The following VASN variants were observed in gnomAD, a reference collection of about 807,000 sequenced individuals.
VASN encodes protein slit-like 2.
A neutral mutation model predicts 4.8 loss-of-function variants in VASN; 5 were observed. The observed-to-expected ratio is 1.03, with a 90% CI of 0.54 to 2.17. The LOEUF (loss-of-function observed/expected upper bound fraction) is 2.17. Ranked by LOEUF, VASN falls within the 30% of genes most tolerant of loss-of-function variation. The pLI is 0.01. For missense variants in VASN, 927 were observed against 948.8 expected (o/e 0.98, Z 0.30); for synonymous variants, 499 against 460.8 (o/e 1.08, Z -1.06).
In VASN at chr16:4,381,605, G is replaced by T. The variant is rs764197715; in HGVS notation, c.728G>T (p.Arg243Leu). Residue 243 changes from arginine to leucine, a missense_variant, in exon 2 of 2, where the codon CGC (arginine) becomes CTC (leucine). Arg to Leu is a moderately radical substitution (Grantham distance 102). Coordinates refer to ENST00000304735, the MANE Select transcript of VASN (RefSeq NM_138440.3). Reference sequence around the variant, plus strand: ...ATCCGAGGCCTCCGGGGCCTGACGCGCCTGCGGCTGGCCGGCAACACCCGC... The same window carrying T: ...ATCCGAGGCCTCCGGGGCCTGACGCTCCTGCGGCTGGCCGGCAACACCCGC... ...PVIRGLRGLT[R>L]LRLAGNTRIA... The T allele has an allele frequency of 2.7e-4, 429 of 1,598,442 alleles. No homozygotes were observed. Among genetic ancestry groups the T allele is most frequent in the Non-Finnish European group, 3.5e-4 (416 of 1,173,270 alleles).
chr16:4,372,382 G>A (rs986738398), intron 1 of VASN, among the ~76,000 whole-genome samples: 7 of 152,246 alleles, frequency 4.6e-5, no homozygotes, highest in East Asian at 1.9e-4. Flanking sequence ...CCCTCCTGGG[G>A]TCCGGCAGTA....
Position 4,382,045 on chromosome 16 carries a change from C to A in VASN, c.1168C>A (p.Pro390Thr). The change falls in exon 2 of 2, where the codon CCC becomes ACC. Residue 390 changes from proline to threonine, a missense_variant. Pro to Thr is a conservative substitution (Grantham distance 38). Coordinates refer to ENST00000304735, the MANE Select transcript of VASN (RefSeq NM_138440.3). ...LSPTEPATEA[P>T]SPPSTAPPTV... is the part of the protein sequence containing the mutation. ...CCCCACAGAGCCGGCCACTGAGGCC[C>A]CCAGCCCGCCCTCCACTGCCCCACC... 1 of 1,592,946 alleles carries A rather than the reference C, an allele frequency of 6.3e-7. No homozygotes were observed. Among genetic ancestry groups the A allele is most frequent in the Non-Finnish European group, 8.5e-7 (1 of 1,171,508 alleles).
rs577970245 is a variant in VASN, at chr16:4,374,300, C to T, written c.-10+2307C>T. Among the ~76,000 whole-genome samples the T allele has an allele frequency of 3.5e-4, 54 of 152,218 alleles. 2 individuals are homozygous for T. In the South Asian group the frequency reaches 7.5e-3, roughly 21 times the overall value. ...AGAGTCAGCCGGATCGCTTTCCCTC[C>T]GCGCTGGGCCGCCGGCCTCCCCCGC... On this transcript the variant is annotated intron_variant, in intron 1 of 1. Transcript: ENST00000304735.
rs2055055224 is a variant in VASN, at chr16:4,382,980, G to A, written c.*81G>A. 1 of 1,398,830 alleles carries A rather than the reference G, an allele frequency of 7.1e-7. No individual in the cohort carries two copies. The highest frequency in any genetic ancestry group is 9.5e-7 in the Non-Finnish European group (1 of 1,056,814). The allele number at this position is 1,398,830 out of a possible 1,614,324, so 86.7% of individuals were successfully genotyped here. A position where few individuals can be genotyped will look rare whatever the true frequency, so the allele number is the denominator to read the frequency against. On this transcript the variant is annotated 3_prime_UTR_variant, in exon 2 of 2. Coordinates refer to ENST00000304735, the MANE Select transcript of VASN (RefSeq NM_138440.3). ...CCCCTCCTGCTGCCACACCACGTAAGTTCTCAGTCCCAACCTCGGGGATGT... is the reference window on the plus strand; with the variant it reads ...CCCCTCCTGCTGCCACACCACGTAAATTCTCAGTCCCAACCTCGGGGATGT...
chr16:4,379,644 G>A lies in VASN; in HGVS notation c.-9-1225G>A, dbSNP rs1036502700. 4.6e-5 allele frequency among the ~76,000 whole-genome samples: 7 copies of A among 152,118 alleles called. No homozygotes were observed. In the South Asian group the frequency reaches 1.0e-3, roughly 23 times the overall value. ...GACGGTAAACACTTAGTGTTCCTTCGTCCTTCCCACTTCGCTGGCACATGG... is the reference window on the plus strand; with the variant it reads ...GACGGTAAACACTTAGTGTTCCTTCATCCTTCCCACTTCGCTGGCACATGG... On this transcript the variant is annotated intron_variant, in intron 1 of 1. Transcript: ENST00000304735.
At chr16:4,376,383 C>G (rs561600964) in intron 1 of VASN, among the ~76,000 whole-genome samples, 1 of 152,196 alleles carries the variant, frequency 6.6e-6, no homozygotes, top group African/African-American at 2.4e-5. Context: ...AGAGCCTTGG[C>G]GGGCCAGCAT....
At chr16:4,375,185 T>A (rs1020925765) in intron 1 of VASN, among the ~76,000 whole-genome samples, 6 of 152,170 alleles carry the variant, frequency 3.9e-5, no homozygotes. Flanking sequence ...CTCCCTGCCC[T>A]GGGCTAACAG....
In VASN at chr16:4,382,954, C is replaced by A. The variant is rs2055054482; in HGVS notation, c.*55C>A. ...GGCTCTCAGCCAGTGAGATGGCCAG[C>A]CCCCTCCTGCTGCCACACCACGTAA... On this transcript the variant is annotated 3_prime_UTR_variant, in exon 2 of 2. Transcript: ENST00000304735. 3 of 1,437,882 alleles carry A rather than the reference C, an allele frequency of 2.1e-6. No homozygotes were observed. The highest frequency in any genetic ancestry group is 1.8e-6 in the Non-Finnish European group (2 of 1,090,236). The allele number at this position is 1,437,882 out of a possible 1,614,324, so 89.1% of individuals were successfully genotyped here.
At chr16:4,373,707 T>G (rs1179921567) in intron 1 of VASN, among the ~76,000 whole-genome samples, 1 of 152,122 alleles carries the variant, frequency 6.6e-6, no homozygotes, top group Non-Finnish European at 1.5e-5. Flanking sequence ...TACAGAAAAT[T>G]AAGTCCTTGC....
At chr16:4,374,457 G>C (rs2054647352) in intron 1 of VASN, among the ~76,000 whole-genome samples, 1 of 152,156 alleles carries the variant, frequency 6.6e-6, no homozygotes, top group Non-Finnish European at 1.5e-5. Context: ...GCCCCCACCA[G>C]ACTCTTCGTG....
intron 1 of VASN, among the ~76,000 whole-genome samples, chr16:4,374,631 C>T (rs1190220893): frequency 1.3e-5 from 2 of 152,164 alleles, no homozygotes; most frequent in Non-Finnish European, 2.9e-5. Context: ...AGTGCGGGGG[C>T]AGGGTTGTGG....
At chr16:4,373,471 C>T (rs1016923618) in intron 1 of VASN, among the ~76,000 whole-genome samples, 4 of 152,094 alleles carry the variant, frequency 2.6e-5, no homozygotes, top group African/African-American at 9.7e-5. Flanking sequence ...CCAGATGGCA[C>T]CTCTCTCTCC....
At chr16:4,376,538 G>A (rs556651211) in intron 1 of VASN, among the ~76,000 whole-genome samples, 15 of 152,264 alleles carry the variant, frequency 9.9e-5, no homozygotes, top group Admixed American at 3.3e-4. Flanking sequence ...CAGGCACACC[G>A]CCTGCCCCAG....
chr16:4,379,132 G>C (rs777459500), intron 1 of VASN, among the ~76,000 whole-genome samples: 2 of 151,916 alleles, frequency 1.3e-5, no homozygotes, highest in Non-Finnish European at 2.9e-5. Context: ...CCCCAGCCTG[G>C]GGCGGAGTGC....
chr16:4,381,340 C>G lies in VASN; in HGVS notation c.463C>G (p.Leu155Val). The change falls in exon 2 of 2, where the codon CTG (leucine) becomes GTG (valine). Residue 155 changes from leucine (L) to valine (V), a missense_variant. By Grantham distance (32) the Leu-to-Val change is conservative (BLOSUM62 1). Transcript: ENST00000304735. ...DTLDRLLELK[L>V]QDNELRALPP... ...GCTCGACCGCCTCCTGGAGCTCAAG[C>G]TGCAGGACAACGAGCTGCGGGCACT... 5 of 1,608,458 alleles carry G rather than the reference C, an allele frequency of 3.1e-6. No homozygotes were observed. The highest frequency in any genetic ancestry group is 4.2e-6 in the Non-Finnish European group (5 of 1,178,162).
At chr16:4,374,680 C>T (rs529834867) in intron 1 of VASN, among the ~76,000 whole-genome samples, 1 of 152,208 alleles carries the variant, frequency 6.6e-6, no homozygotes, top group Admixed American at 6.5e-5. Flanking sequence ...CTGAATCCAT[C>T]CCGCCTGCCC....
chr16:4,383,235 C>T lies in VASN; in HGVS notation c.*336C>T, dbSNP rs1486540312. 3.3e-6 allele frequency: 1 copy of T among 306,476 alleles called. No homozygotes were observed. Among genetic ancestry groups the T allele is most frequent in the Non-Finnish European group, 6.3e-6 (1 of 158,454 alleles). The allele number at this position is 306,476 out of a possible 1,614,324, so 19.0% of individuals were successfully genotyped here. The stretch of plus-strand genomic sequence containing the variant: ...CCCTGCTGGGCTCTCCCACTCCAGG[C>T]GGACCCTGGGGGCCAGTGAAGGAAG... On this transcript the variant is annotated 3_prime_UTR_variant, in exon 2 of 2. Coordinates refer to ENST00000304735, the MANE Select transcript of VASN (RefSeq NM_138440.3).
At chr16:4,372,918 C>T (rs1445337350) in intron 1 of VASN, among the ~76,000 whole-genome samples, 1 of 152,140 alleles carries the variant, frequency 6.6e-6, no homozygotes, top group Non-Finnish European at 1.5e-5. Context: ...AGAGAGGCAG[C>T]GGGACCTAGA....
At chr16:4,374,266 C>T (rs928203855) in intron 1 of VASN, among the ~76,000 whole-genome samples, 2 of 152,234 alleles carry the variant, frequency 1.3e-5, no homozygotes, top group African/African-American at 4.8e-5. Flanking sequence ...TTATCGGTTT[C>T]CACATTCCAG....
Sources: gnomAD v4.1 joint callset for allele counts (sites outside exome capture counted in the v4.1 genomes callset) on GRCh38, gnomAD v4.1.1 for gene constraint, MANE v1.5 for transcripts, NCBI Gene and HGNC (gene_info 2026-07-23, HGNC 2026-07-21) for gene names.